GUCY2C: variants seen among roughly 807,000 people sequenced by gnomAD.
The protein encoded by GUCY2C is guanylyl cyclase C.
A neutral mutation model predicts 131.1 loss-of-function variants in GUCY2C; 118 were observed. The observed-to-expected ratio is 0.90, with a 90% CI of 0.78 to 1.05. GUCY2C has a LOEUF of 1.05. GUCY2C is among the 50% of genes least tolerant of loss of function. GUCY2C has a pLI of 0.00. For synonymous variants in GUCY2C, 452 were observed against 457.8 expected (o/e 0.99, Z 0.16); for missense variants, 1,161 against 1,304.4 (o/e 0.89, Z 1.69).
At chr12:14,691,059 G>C (rs2081794) in intron 1 of GUCY2C, among the ~76,000 whole-genome samples, 26,256 of 152,226 alleles carry the variant, frequency 0.17, 2,578 homozygotes, top group Admixed American at 0.29. Flanking sequence ...AATAGAAGTT[G>C]TTCTTCTGAA....
In GUCY2C at chr12:14,674,122, G is replaced by A. The variant is rs192340662; in HGVS notation, c.1084+503C>T. ...GATGAGATCTGGGAAACGAAAGATG[G>A]GAGTTTCACTAGGGGCTTGTAGGAA... On this transcript the variant is annotated intron_variant, in intron 8 of 26. Transcript: ENST00000261170. Among the ~76,000 whole-genome samples, 12 of 152,268 alleles carry A rather than the reference G, an allele frequency of 7.9e-5. No homozygotes were observed. The East Asian group carries it at 2.1e-3, about 27-fold the overall frequency.
chr12:14,631,476 C>T (rs780606465), intron 19 of GUCY2C, among the ~76,000 whole-genome samples: 71 of 151,178 alleles, frequency 4.7e-4, no homozygotes, highest in Non-Finnish European at 9.6e-4. Flanking sequence ...TGAGAACATG[C>T]GGTGTTTGGT....
chr12:14,670,621 G>T (rs1948085430), intron 9 of GUCY2C, among the ~76,000 whole-genome samples: 1 of 151,820 alleles, frequency 6.6e-6, no homozygotes, highest in Non-Finnish European at 1.5e-5. Flanking sequence ...TGAATCATGG[G>T]ACCGGTCTTT....
intron 7 of GUCY2C, among the ~76,000 whole-genome samples, chr12:14,675,248 AAG>A (rs1491010916): frequency 3.5e-5 from 5 of 144,054 alleles, no homozygotes; most frequent in South Asian, 2.2e-4. Flanking sequence ...GAAAGAAAGA[AAG>A]AAAAAAAACT....
intron 4 of GUCY2C, among the ~76,000 whole-genome samples, chr12:14,682,665 G>A (rs1948371887): frequency 6.6e-6 from 1 of 152,140 alleles, no homozygotes; most frequent in Non-Finnish European, 1.5e-5. Context: ...CAAGATACAT[G>A]TTCTCTGGTA....
chr12:14,671,620 T>G (rs529058868), intron 9 of GUCY2C, among the ~76,000 whole-genome samples: 2 of 152,332 alleles, frequency 1.3e-5, no homozygotes, highest in African/African-American at 4.8e-5. Flanking sequence ...TGGTACTACA[T>G]TATTGAAAAA....
chr12:14,675,230 G>GAAAAAAA (rs1338137300), intron 7 of GUCY2C, among the ~76,000 whole-genome samples: 1 of 97,892 alleles, frequency 1.0e-5, no homozygotes. Flanking sequence ...AAAAAAAAAA[G>GAAAAAAA]AAAAAAAGAA....
At chr12:14,654,168 G>T (rs7139434) in intron 12 of GUCY2C, among the ~76,000 whole-genome samples, 148,080 of 152,332 alleles carry the variant, frequency 0.97, 72,098 homozygotes, top group Middle Eastern at 1. Context: ...CCTTTGACTT[G>T]CCTGATTTCT....
rs182224869 is a variant in GUCY2C, at chr12:14,646,642, A to G, written c.1711-1327T>C. On this transcript the variant is annotated intron_variant, in intron 15 of 26. Transcript: ENST00000261170. The stretch of plus-strand genomic sequence containing the variant: ...CCATCTAATTTATTCTCATTCTGGT[A>G]TTTTCTTTTAGTCTTCTTTAATGTA... 2.0e-5 allele frequency among the ~76,000 whole-genome samples: 3 copies of G among 152,264 alleles called. No individual in the cohort carries two copies. In the East Asian group the frequency reaches 5.8e-4, roughly 29 times the overall value.
At chr12:14,648,459 A>C (rs982958477) in intron 15 of GUCY2C, among the ~76,000 whole-genome samples, 1 of 152,124 alleles carries the variant, frequency 6.6e-6, no homozygotes, top group African/African-American at 2.4e-5. Context: ...CCTTCCACAA[A>C]GGCCATCACA....
chr12:14,625,203 A>C (rs1271258598), intron 21 of GUCY2C, among the ~76,000 whole-genome samples: 1 of 152,168 alleles, frequency 6.6e-6, no homozygotes, highest in African/African-American at 2.4e-5. Flanking sequence ...AGAGTTACTA[A>C]AGGAGATCAG....
At chr12:14,626,269 C>T (rs1213237084) in intron 20 of GUCY2C, among the ~76,000 whole-genome samples, 9 of 151,986 alleles carry the variant, frequency 5.9e-5, no homozygotes, top group African/African-American at 9.7e-5. Context: ...TGCAGTGAGT[C>T]GAGATCATGC....
intron 19 of GUCY2C, among the ~76,000 whole-genome samples, chr12:14,632,041 G>T (rs576396405): frequency 1.3e-4 from 20 of 152,162 alleles, no homozygotes; most frequent in Admixed American, 8.5e-4. Flanking sequence ...TTTGAGAAGT[G>T]TCTGTTTATG....
chr12:14,615,618 A>T (rs1016340165), intron 25 of GUCY2C, among the ~76,000 whole-genome samples: 1 of 147,936 alleles, frequency 6.8e-6, no homozygotes, highest in African/African-American at 2.5e-5. Context: ...TCAATAATTT[A>T]AAAATGAGTG....
intron 1 of GUCY2C, among the ~76,000 whole-genome samples, chr12:14,691,157 A>G (rs1366153532): frequency 6.6e-6 from 1 of 152,200 alleles, no homozygotes; most frequent in Non-Finnish European, 1.5e-5. Flanking sequence ...AGAGATGTCT[A>G]CCAACTTTGC....
intron 19 of GUCY2C, among the ~76,000 whole-genome samples, chr12:14,639,017 C>T (rs552321065): frequency 3.3e-5 from 5 of 152,070 alleles, no homozygotes; most frequent in South Asian, 2.1e-4. Context: ...TGAGGCCAGG[C>T]GCGGTGGCTT....
intron 21 of GUCY2C, 105 bp from the exon 22 acceptor site, chr12:14,622,302 T>C: frequency 1.5e-6 from 1 of 669,062 alleles, no homozygotes; most frequent in Non-Finnish European, 2.4e-6. Flanking sequence ...AATTCTAGAA[T>C]TTGAGACTTC....
chr12:14,695,618 A>G (rs947336784), intron 1 of GUCY2C, among the ~76,000 whole-genome samples: 2 of 151,582 alleles, frequency 1.3e-5, no homozygotes, highest in Non-Finnish European at 2.9e-5. Context: ...AAAAAAAAAA[A>G]AAGAGTGAAC....
In GUCY2C at chr12:14,687,939, G is replaced by C. The variant is rs1261214417; in HGVS notation, c.330+12C>G. 6.8e-7 allele frequency: 1 copy of C among 1,478,854 alleles called. No individual in the cohort carries two copies. The highest frequency in any genetic ancestry group is 9.5e-7 in the Non-Finnish European group (1 of 1,056,490). 91.6% of individuals were successfully genotyped at this position (1,478,854 alleles called of 1,614,324 possible). A position where few individuals can be genotyped will look rare whatever the true frequency, so the allele number is the denominator to read the frequency against. ...GAGGCCATGAGCTGCATCCACAAAAGCAAATACTTACTGAAATTTTCCTGA... is the reference window on the plus strand; with the variant it reads ...GAGGCCATGAGCTGCATCCACAAAACCAAATACTTACTGAAATTTTCCTGA... On this transcript the variant is annotated intron_variant, in intron 2 of 26. Coordinates refer to ENST00000261170, the MANE Select transcript of GUCY2C (RefSeq NM_004963.4).
Sources: gnomAD v4.1 joint callset for allele counts (sites outside exome capture counted in the v4.1 genomes callset) on GRCh38, gnomAD v4.1.1 for gene constraint, MANE v1.5 for transcripts, NCBI Gene and HGNC (gene_info 2026-07-23, HGNC 2026-07-21) for gene names.